Variants in BRINP1 observed in about 807,000 individuals in gnomAD.
BRINP1 encodes BMP/retinoic acid inducible neural specific 1, also known as BMP/retinoic acid-inducible neural-specific protein 1.
In BRINP1, 17 loss-of-function variants were observed where a neutral mutation model predicts 72.9. That is an observed-to-expected ratio of 0.23 (90% confidence interval 0.16 to 0.35). The LOEUF (loss-of-function observed/expected upper bound fraction) is 0.35, where lower values mean the gene tolerates loss of function less well. Among genes scored for constraint, BRINP1 ranks in the 10% least tolerant of loss-of-function variants. The pLI is 1.00. For synonymous variants in BRINP1, 418 were observed against 378.5 expected, an observed-to-expected ratio of 1.10 and a Z score of -1.21; for missense variants, 850 against 1,001.6, an observed-to-expected ratio of 0.85 and a Z score of 2.04.
At chr9:119,217,598 A>C (rs965920733) in intron 5 of BRINP1, among the ~76,000 whole-genome samples, 2 of 152,154 alleles carry the variant, frequency 1.3e-5, no homozygotes, top group African/African-American at 2.4e-5. Context: ...TGGGCAATGT[A>C]TATGTGGGAA....
chr9:119,260,858 T>C lies in BRINP1; in HGVS notation c.219-11708A>G, dbSNP rs1052895947. Among the ~76,000 whole-genome samples the C allele has an allele frequency of 2.0e-5, 3 of 152,174 alleles. No homozygotes were observed. In the East Asian group the frequency reaches 5.8e-4, roughly 29 times the overall value. ...GGGTCGTCTAAAGTATTCTTAGAGA[T>C]ATTTGATTTGATTACCAAAGCATCA... On this transcript the variant is annotated intron_variant, in intron 2 of 7. Transcript: ENST00000265922.
At chr9:119,191,656 G>A (rs1456987654) in intron 7 of BRINP1, among the ~76,000 whole-genome samples, 1 of 151,650 alleles carries the variant, frequency 6.6e-6, no homozygotes, top group Non-Finnish European at 1.5e-5. Context: ...CATGGATGGG[G>A]AAAATTAATA....
At chr9:119,213,364 C>G (rs1829948603) in intron 6 of BRINP1, among the ~76,000 whole-genome samples, 1 of 152,178 alleles carries the variant, frequency 6.6e-6, no homozygotes, top group South Asian at 2.1e-4. Flanking sequence ...GTCTTTCCAC[C>G]CCTGAAACTC....
At chr9:119,194,887 C>A (rs1175672660) in intron 7 of BRINP1, among the ~76,000 whole-genome samples, 1 of 152,172 alleles carries the variant, frequency 6.6e-6, no homozygotes, top group Non-Finnish European at 1.5e-5. Flanking sequence ...CCCCTGGAAA[C>A]TATAACATAA....
intron 1 of BRINP1, among the ~76,000 whole-genome samples, chr9:119,346,858 T>C (rs549242517): frequency 2.0e-5 from 3 of 152,260 alleles, no homozygotes; most frequent in African/African-American, 7.2e-5. Context: ...CCTTTTCACG[T>C]TGGGGTTCTG....
intron 2 of BRINP1, among the ~76,000 whole-genome samples, chr9:119,288,917 CA>C (rs1207137368): frequency 6.6e-6 from 1 of 152,308 alleles, no homozygotes; most frequent in Middle Eastern, 3.4e-3. Context: ...TCTCCTGCCT[CA>C]GCCTCCCAAG....
At chr9:119,225,848 A>T (rs1242493942) in intron 5 of BRINP1, among the ~76,000 whole-genome samples, 1 of 152,068 alleles carries the variant, frequency 6.6e-6, no homozygotes, top group African/African-American at 2.4e-5. Context: ...TTTAACACTT[A>T]AAAATGATTA....
rs1831727501 is a variant in BRINP1, at chr9:119,369,123, T to C, written c.-118A>G. On this transcript the variant is annotated 5_prime_UTR_variant, in exon 1 of 8. Coordinates refer to ENST00000265922, the MANE Select transcript of BRINP1 (RefSeq NM_014618.3). ...GCTTTTTATTCGGCTCGGTGGGAAC[T>C]TGGGAGAGCCCTGCGTGCAGCTCGC... The C allele has an allele frequency of 1.0e-5, 4 of 397,362 alleles. No homozygotes were observed. Among genetic ancestry groups the C allele is most frequent in the Non-Finnish European group, 1.8e-5 (4 of 225,658 alleles). 24.6% of individuals were successfully genotyped at this position (397,362 alleles called of 1,614,324 possible). A position where few individuals can be genotyped will look rare whatever the true frequency, so the allele number is the denominator to read the frequency against.
At chr9:119,345,523 T>A (rs899617596) in intron 1 of BRINP1, among the ~76,000 whole-genome samples, 17 of 152,200 alleles carry the variant, frequency 1.1e-4, no homozygotes, top group Non-Finnish European at 2.2e-4. Context: ...CTACCCCATC[T>A]TACTGTCTGT....
chr9:119,367,171 T>A (rs1480517857), intron 1 of BRINP1, among the ~76,000 whole-genome samples: 1 of 137,536 alleles, frequency 7.3e-6, no homozygotes, highest in Non-Finnish European at 1.5e-5. Flanking sequence ...TTTGCTTTTA[T>A]CTCTCCCCAG....
At chr9:119,203,175 A>G (rs1829821933) in intron 7 of BRINP1, among the ~76,000 whole-genome samples, 1 of 152,162 alleles carries the variant, frequency 6.6e-6, no homozygotes, top group African/African-American at 2.4e-5. Flanking sequence ...GCCACTGCCC[A>G]CTGCTTAGAC....
intron 1 of BRINP1, among the ~76,000 whole-genome samples, chr9:119,367,790 T>A (rs1353201172): frequency 6.6e-6 from 1 of 152,120 alleles, no homozygotes; most frequent in Non-Finnish European, 1.5e-5. Context: ...CTTTTCAAAT[T>A]GTAGATCTCC....
intron 7 of BRINP1, among the ~76,000 whole-genome samples, chr9:119,187,135 G>A (rs1355657910): frequency 6.6e-6 from 1 of 151,630 alleles, no homozygotes; most frequent in Non-Finnish European, 1.5e-5. Flanking sequence ...TGCTTGGTGG[G>A]AGAGCTAAGA....
chr9:119,249,321 A>G (rs745576536), intron 2 of BRINP1, among the ~76,000 whole-genome samples, 171 bp from the exon 3 acceptor site: 10 of 152,204 alleles, frequency 6.6e-5, no homozygotes, highest in Non-Finnish European at 1.2e-4. Context: ...CAACCAACAA[A>G]TATTTATAGA....
intron 2 of BRINP1, among the ~76,000 whole-genome samples, chr9:119,303,693 C>G (rs530248755): frequency 6.6e-6 from 1 of 152,124 alleles, no homozygotes; most frequent in African/African-American, 2.4e-5. Context: ...GCAAATGCTA[C>G]CTTCATAGAG....
At chr9:119,249,368 A>G (rs1830354834) in intron 2 of BRINP1, among the ~76,000 whole-genome samples, 1 of 152,234 alleles carries the variant, frequency 6.6e-6, no homozygotes, top group Non-Finnish European at 1.5e-5. Flanking sequence ...AACTAGATAA[A>G]CAATATCATT....
intron 2 of BRINP1, among the ~76,000 whole-genome samples, chr9:119,249,579 T>A (rs1441753188): frequency 6.6e-6 from 1 of 152,146 alleles, no homozygotes; most frequent in Non-Finnish European, 1.5e-5. Flanking sequence ...TCTTATATAA[T>A]GATCACACTA....
At chr9:119,341,474 T>C (rs763552605) in intron 1 of BRINP1, among the ~76,000 whole-genome samples, 5 of 152,152 alleles carry the variant, frequency 3.3e-5, no homozygotes, top group Non-Finnish European at 7.4e-5. Flanking sequence ...GTGTAAAGGA[T>C]ACACATTCAG....
At chr9:119,208,126 G>A (rs1203114245) in intron 7 of BRINP1, among the ~76,000 whole-genome samples, 1 of 152,154 alleles carries the variant, frequency 6.6e-6, no homozygotes, top group Non-Finnish European at 1.5e-5. Flanking sequence ...CAGAATACCC[G>A]GTATATCCAG....
Sources: gnomAD v4.1 joint callset for allele counts (sites outside exome capture counted in the v4.1 genomes callset) on GRCh38, gnomAD v4.1.1 for gene constraint, MANE v1.5 for transcripts, NCBI Gene and HGNC (gene_info 2026-07-23, HGNC 2026-07-21) for gene names.